MYO3A: variants seen among roughly 807,000 people sequenced by gnomAD.
MYO3A encodes the protein myosin-IIIa.
In MYO3A, 180 loss-of-function variants were observed where a neutral mutation model predicts 192.7. That is an observed-to-expected ratio of 0.93 (90% CI 0.83 to 1.06). The LOEUF (loss-of-function observed/expected upper bound fraction) is 1.06, where lower values mean the gene tolerates loss of function less well. MYO3A is among the 50% of genes least tolerant of loss of function. The probability of loss-of-function intolerance (pLI) is 0.00; values close to 1 mark genes in which losing one functional copy is unlikely to be tolerated. For missense variants in MYO3A, 1,896 were observed against 1,905.0 expected (o/e 1.00, Z 0.09); for synonymous variants, 628 against 645.3 (o/e 0.97, Z 0.41).
At chr10:26,088,592 A>G (rs1477662045) in intron 15 of MYO3A, among the ~76,000 whole-genome samples, 187 bp downstream of exon 15, 1 of 152,246 alleles carries the variant, frequency 6.6e-6, no homozygotes, top group Non-Finnish European at 1.5e-5. Context: ...CATCCAATAG[A>G]GGAATTAATG....
At position 25,952,137 on chromosome 10, in the gene MYO3A, C is replaced by A. The variant is rs1241727160; in HGVS notation, c.27C>A (p.Ile9=). The A allele has an allele frequency of 3.7e-6, 6 of 1,611,926 alleles. No homozygotes were observed. The highest frequency in any genetic ancestry group is 1.1e-5 in the South Asian group (1 of 90,990). The change falls in exon 3 of 35, where the codon ATC becomes ATA. Residue 9 remains isoleucine, a synonymous_variant. Transcript: ENST00000642920. MFPLIGKT[I]IFDNFPDPSD... is the part of the protein sequence containing the mutation. ...TGTTTCCATTAATTGGAAAAACAAT[C>A]ATCTTTGATAACTTTCCTGATCCTT...
chr10:26,010,624 C>T (rs565131718), intron 6 of MYO3A, among the ~76,000 whole-genome samples: 14 of 152,102 alleles, frequency 9.2e-5, no homozygotes, highest in Admixed American at 2.6e-4. Flanking sequence ...CCACCACACT[C>T]GGCTGATTTT....
chr10:26,065,480 G>A (rs555546105), intron 10 of MYO3A, among the ~76,000 whole-genome samples: 1 of 151,284 alleles, frequency 6.6e-6, no homozygotes, highest in African/African-American at 2.4e-5. Context: ...AGCCACTCGG[G>A]AAGCTGAGGC....
At chr10:25,993,752 G>C (rs1398559441) in intron 4 of MYO3A, among the ~76,000 whole-genome samples, 1 of 152,120 alleles carries the variant, frequency 6.6e-6, no homozygotes, top group Non-Finnish European at 1.5e-5. Flanking sequence ...CTTTATTTCT[G>C]CCTTCATTTC....
At chr10:26,070,675 T>C (rs1248525468) in intron 14 of MYO3A, among the ~76,000 whole-genome samples, 1 of 152,092 alleles carries the variant, frequency 6.6e-6, no homozygotes, top group African/African-American at 2.4e-5. Flanking sequence ...TATTGAATGC[T>C]TTCTTTACTT....
intron 10 of MYO3A, among the ~76,000 whole-genome samples, chr10:26,027,543 C>T (rs1453661705): frequency 6.6e-6 from 1 of 152,100 alleles, no homozygotes; most frequent in Non-Finnish European, 1.5e-5. Context: ...CGAGGTTCTG[C>T]CATGTTGCCC....
At chr10:26,060,365 T>C (rs12762108) in intron 10 of MYO3A, among the ~76,000 whole-genome samples, 71,116 of 150,392 alleles carry the variant, frequency 0.47, 17,697 homozygotes, top group Middle Eastern at 0.59. Flanking sequence ...TTACTCGGGA[T>C]GCTGAGGCAG....
chr10:25,952,383 A>AAG, intron 3 of MYO3A, 105 bp downstream of exon 3: 2 of 1,237,924 alleles, frequency 1.6e-6, no homozygotes, highest in South Asian at 2.8e-5. Context: ...GCAGTCTAAA[A>AAG]CAGGTTACAA....
rs148976151 is a variant in MYO3A, at chr10:26,070,158, C to T, written c.1218C>T (p.His406=). The part of the protein sequence containing the change: ...IGSKRTASPP[H]IFAMADLGYQ... The stretch of plus-strand genomic sequence containing the variant: ...CAAAGAGAACTGCCAGTCCTCCTCA[C>T]ATTTTTGCAATGGCTGACTTAGGAT... Residue 406 remains histidine, a synonymous_variant, in exon 13 of 35, where the codon CAC becomes CAT. Coordinates refer to ENST00000642920, the MANE Select transcript of MYO3A (RefSeq NM_017433.5). The T allele has an allele frequency of 2.5e-6, 4 of 1,612,474 alleles. No homozygotes were observed. The African/African-American group carries it at 5.3e-5, about 22-fold the overall frequency.
intron 4 of MYO3A, among the ~76,000 whole-genome samples, chr10:25,995,469 A>G (rs1038089109): frequency 3.3e-5 from 5 of 152,146 alleles, no homozygotes; most frequent in Admixed American, 3.3e-4. Context: ...TTTAGCTTGG[A>G]GAAGTTTGAT....
chr10:26,170,542 A>G lies in MYO3A; in HGVS notation c.3398+3A>G, dbSNP rs373758358. The stretch of plus-strand genomic sequence containing the variant: ...AAGAAAAACTTTGAAAATACAAGGT[A>G]TAATGATGTTCATTCTTATACCGTT... On this transcript the variant is annotated splice_donor_region_variant and intron_variant, in intron 29 of 34. Coordinates refer to ENST00000642920, the MANE Select transcript of MYO3A (RefSeq NM_017433.5). 1.9e-4 allele frequency: 305 copies of G among 1,608,754 alleles called. No homozygotes were observed. The highest frequency in any genetic ancestry group is 2.4e-4 in the Non-Finnish European group (286 of 1,177,084).
intron 4 of MYO3A, among the ~76,000 whole-genome samples, chr10:25,956,725 TG>T (rs1487531862): frequency 2.0e-5 from 3 of 152,202 alleles, no homozygotes; most frequent in East Asian, 1.9e-4. Flanking sequence ...CATTTTTGTA[TG>T]TTTTTTTCTT....
At chr10:26,146,924 G>A (rs1330826539) in intron 22 of MYO3A, among the ~76,000 whole-genome samples, 1 of 152,094 alleles carries the variant, frequency 6.6e-6, no homozygotes, top group Non-Finnish European at 1.5e-5. Flanking sequence ...ACCACCCTGG[G>A]TAACATAGCA....
intron 10 of MYO3A, among the ~76,000 whole-genome samples, chr10:26,032,927 G>A (rs1283357129): frequency 6.6e-6 from 1 of 152,106 alleles, no homozygotes; most frequent in African/African-American, 2.4e-5. Flanking sequence ...TGACACATGA[G>A]ACTTTAAAAA....
chr10:26,155,616 A>G lies in MYO3A; in HGVS notation c.2793+793A>G, dbSNP rs1344116578. ...TATCCAACTCTCTAGCAGAAACATA[A>G]AATTCTTTAAAAAATATATGAGTAC... is the stretch of plus-strand genomic sequence containing the variant. On this transcript the variant is annotated intron_variant, in intron 25 of 34. Coordinates refer to ENST00000642920, the MANE Select transcript of MYO3A (RefSeq NM_017433.5). 2.0e-5 allele frequency among the ~76,000 whole-genome samples: 3 copies of G among 152,202 alleles called. No individual in the cohort carries two copies. In the South Asian group the frequency reaches 6.2e-4, roughly 32 times the overall value.
In MYO3A at chr10:26,177,174, T is replaced by C. The variant is rs6650136; in HGVS notation, c.4438+329T>C. Among the ~76,000 whole-genome samples the C allele has an allele frequency of 2.9e-3, 438 of 152,156 alleles. 3 individuals are homozygous for C. Among genetic ancestry groups the C allele is most frequent in the African/African-American group, 0.01 (420 of 41,492 alleles). On this transcript the variant is annotated intron_variant, in intron 31 of 34. Coordinates refer to ENST00000642920, the MANE Select transcript of MYO3A (RefSeq NM_017433.5). ...CAGATTTGATAAGAGAGCGCAAAAA[T>C]AGAAATAGAAATATTTCTATTTCCT...
intron 14 of MYO3A, among the ~76,000 whole-genome samples, chr10:26,080,081 A>G (rs1301535352): frequency 6.6e-6 from 1 of 152,178 alleles, no homozygotes; most frequent in East Asian, 1.9e-4. Flanking sequence ...TCTAGCAAGG[A>G]CAGGGAAATT....
chr10:26,079,447 C>A (rs566465521), intron 14 of MYO3A, among the ~76,000 whole-genome samples: 6 of 152,240 alleles, frequency 3.9e-5, no homozygotes, highest in African/African-American at 1.4e-4. Flanking sequence ...AGTTCTTATC[C>A]ATTCTGCAGT....
chr10:26,075,094 T>A (rs547159766), intron 14 of MYO3A, among the ~76,000 whole-genome samples: 1 of 152,220 alleles, frequency 6.6e-6, no homozygotes, highest in African/African-American at 2.4e-5. Flanking sequence ...ATTCCACTAG[T>A]TGATGTGTCT....
Sources: allele counts gnomAD v4.1 joint callset (sites outside exome capture counted in the v4.1 genomes callset), GRCh38; gene constraint gnomAD v4.1.1; transcripts MANE v1.5; gene names NCBI Gene and HGNC (gene_info 2026-07-23, HGNC 2026-07-21).